OPCML: variants seen among roughly 807,000 people sequenced by gnomAD.
The protein encoded by OPCML is opioid-binding protein/cell adhesion molecule.
In OPCML, 13 loss-of-function variants were observed where a neutral mutation model predicts 37.8. That is an observed-to-expected ratio of 0.34 (90% CI 0.22 to 0.55). The LOEUF (loss-of-function observed/expected upper bound fraction) is 0.55. Ranked by LOEUF, OPCML falls within the 20% of genes least tolerant of loss-of-function variation. The pLI, the probability that OPCML is intolerant of heterozygous loss-of-function variation, is 0.91. For synonymous variants in OPCML, 176 were observed against 168.8 expected (o/e 1.04, Z -0.33); for missense variants, 341 against 435.6 (o/e 0.78, Z 1.93).
chr11:133,283,422 C>T (rs1052783845), intron 1 of OPCML, among the ~76,000 whole-genome samples: 10 of 151,972 alleles, frequency 6.6e-5, no homozygotes, highest in Non-Finnish European at 2.9e-5. Flanking sequence ...CCCACCCCAC[C>T]CCACACTGCT....
At chr11:133,123,652 G>C (rs1565458742) in intron 1 of OPCML, among the ~76,000 whole-genome samples, 2 of 151,924 alleles carry the variant, frequency 1.3e-5, no homozygotes, top group Admixed American at 1.3e-4. Flanking sequence ...TGGGTTCTTG[G>C]AGAGTTCTTT....
At chr11:133,269,332 G>A (rs1351067024) in intron 1 of OPCML, among the ~76,000 whole-genome samples, 1 of 152,138 alleles carries the variant, frequency 6.6e-6, no homozygotes, top group South Asian at 2.1e-4. Flanking sequence ...TCTGCAGAAA[G>A]CAGGTGTATA....
At chr11:133,012,608 G>A (rs1455117261) in intron 1 of OPCML, among the ~76,000 whole-genome samples, 2 of 152,164 alleles carry the variant, frequency 1.3e-5, no homozygotes, top group Non-Finnish European at 2.9e-5. Context: ...GGACACGGTG[G>A]CTCACACCTG....
intron 1 of OPCML, among the ~76,000 whole-genome samples, chr11:133,188,032 C>T (rs1218733434): frequency 1.3e-5 from 2 of 152,202 alleles, no homozygotes; most frequent in Non-Finnish European, 2.9e-5. Context: ...TTGAAGCCTT[C>T]TGTCCAAGCC....
chr11:132,734,945 G>A (rs1214706314), intron 2 of OPCML, among the ~76,000 whole-genome samples: 1 of 152,072 alleles, frequency 6.6e-6, no homozygotes, highest in Admixed American at 6.6e-5. Context: ...TTATTATGTG[G>A]GGCAGAAAGC....
chr11:133,471,343 A>G (rs947622945), intron 1 of OPCML, among the ~76,000 whole-genome samples: 2 of 152,246 alleles, frequency 1.3e-5, no homozygotes, highest in Non-Finnish European at 2.9e-5. Flanking sequence ...ATATACTGAT[A>G]TGGAATGATC....
chr11:132,774,853 G>A (rs374796582), intron 2 of OPCML, among the ~76,000 whole-genome samples: 6 of 152,210 alleles, frequency 3.9e-5, no homozygotes, highest in African/African-American at 1.4e-4. Context: ...AATACAAATA[G>A]CATCACACTG....
At chr11:133,305,951 A>G (rs933430532) in intron 1 of OPCML, among the ~76,000 whole-genome samples, 3 of 152,230 alleles carry the variant, frequency 2.0e-5, no homozygotes, top group African/African-American at 7.2e-5. Context: ...AGTCTTAAAT[A>G]ATAAGGACCT....
At chr11:132,750,231 A>C (rs1160588959) in intron 2 of OPCML, among the ~76,000 whole-genome samples, 2 of 152,206 alleles carry the variant, frequency 1.3e-5, no homozygotes, top group African/African-American at 4.8e-5. Flanking sequence ...TGGACTAAAT[A>C]CTTATATTTT....
intron 1 of OPCML, among the ~76,000 whole-genome samples, chr11:133,243,036 T>C (rs1940787726): frequency 6.6e-6 from 1 of 152,172 alleles, no homozygotes; most frequent in African/African-American, 2.4e-5. Context: ...CTGGACTGTC[T>C]TTGCCGGGGA....
intron 3 of OPCML, among the ~76,000 whole-genome samples, chr11:132,534,385 G>T (rs1344887547): frequency 6.6e-6 from 1 of 152,112 alleles, no homozygotes; most frequent in Non-Finnish European, 1.5e-5. Context: ...CCAGTAATTA[G>T]AACTGTGCTT....
At chr11:132,702,936 TA>T (rs1446341026) in intron 2 of OPCML, among the ~76,000 whole-genome samples, 3 of 152,192 alleles carry the variant, frequency 2.0e-5, no homozygotes, top group Non-Finnish European at 4.4e-5. Flanking sequence ...GTTAAACTTG[TA>T]ATTTTGTTCA....
intron 1 of OPCML, among the ~76,000 whole-genome samples, chr11:133,267,459 T>G (rs1941695411): frequency 6.6e-6 from 1 of 152,192 alleles, no homozygotes; most frequent in African/African-American, 2.4e-5. Flanking sequence ...ACTGTGAAGA[T>G]TAAGTGAGGT....
intron 1 of OPCML, among the ~76,000 whole-genome samples, chr11:133,088,835 G>A (rs1050749083): frequency 2.0e-5 from 3 of 152,138 alleles, no homozygotes; most frequent in Non-Finnish European, 4.4e-5. Flanking sequence ...CTTCTAAAAC[G>A]GGGAGAATAA....
chr11:132,514,513 T>C (rs1037880116), intron 4 of OPCML, among the ~76,000 whole-genome samples: 2 of 152,146 alleles, frequency 1.3e-5, no homozygotes, highest in Non-Finnish European at 2.9e-5. Context: ...CTTTTCTTTG[T>C]GGATTCCTGC....
chr11:132,996,231 CT>C (rs2136831786), intron 1 of OPCML, among the ~76,000 whole-genome samples: 1 of 152,260 alleles, frequency 6.6e-6, no homozygotes, highest in African/African-American at 2.4e-5. Flanking sequence ...AATACCTTGT[CT>C]GAGACTTCCT....
At position 132,529,347 on chromosome 11, in the gene OPCML, T is replaced by C. The variant is rs1375385306; in HGVS notation, c.380-161A>G. ...TTTGCCAAGGATATGGCCATATACA[T>C]TTACCTTGTATTTATGGTAGAAGGA... On this transcript the variant is annotated intron_variant, in intron 3 of 7. Coordinates refer to ENST00000524381, the MANE Select transcript of OPCML (RefSeq NM_001012393.5). 3.5e-5 allele frequency: 13 copies of C among 371,778 alleles called. No homozygotes were observed. In the East Asian group the frequency reaches 6.6e-4, roughly 19 times the overall value. The allele number at this position is 371,778 out of a possible 1,614,324, so 23.0% of individuals were successfully genotyped here.
intron 1 of OPCML, among the ~76,000 whole-genome samples, chr11:133,415,327 A>G (rs943275239): frequency 7.9e-5 from 12 of 151,856 alleles, no homozygotes; most frequent in African/African-American, 2.2e-4. Flanking sequence ...GGAGAATGGC[A>G]TGAACCCAGG....
At chr11:133,479,575 A>C (rs908423856) in intron 1 of OPCML, among the ~76,000 whole-genome samples, 15 of 152,208 alleles carry the variant, frequency 9.9e-5, no homozygotes, top group Admixed American at 9.2e-4. Flanking sequence ...GGCTTCTTGC[A>C]GAGCTTGGAG....
Sources: gnomAD v4.1 joint callset for allele counts (sites outside exome capture counted in the v4.1 genomes callset) on GRCh38, gnomAD v4.1.1 for gene constraint, MANE v1.5 for transcripts, NCBI Gene and HGNC (gene_info 2026-07-23, HGNC 2026-07-21) for gene names.